Variants in PLOD2 observed in about 807,000 individuals in gnomAD.
PLOD2 encodes procollagen-lysine,2-oxoglutarate 5-dioxygenase 2.
A neutral mutation model predicts 101.0 loss-of-function variants in PLOD2; 65 were observed. That is an observed-to-expected ratio of 0.64 (90% CI 0.53 to 0.79). The LOEUF (loss-of-function observed/expected upper bound fraction) is 0.79, where lower values mean the gene tolerates loss of function less well. Among genes scored for constraint, PLOD2 ranks in the 30% least tolerant of loss-of-function variants. The probability of loss-of-function intolerance (pLI) is 0.00; values close to 1 mark genes in which losing one functional copy is unlikely to be tolerated. For synonymous variants in PLOD2, 314 were observed against 302.9 expected (o/e 1.04, Z -0.38); for missense variants, 909 against 914.6 (o/e 0.99, Z 0.08).
chr3:146,072,760 G>A, intron 16 of PLOD2, 95 bp from the exon 17 acceptor site: 1 of 774,408 alleles, frequency 1.3e-6, no homozygotes, highest in East Asian at 2.7e-5. Context: ...AAAAAATCCT[G>A]TATGACTAGG....
intron 2 of PLOD2, 71 bp from the exon 3 acceptor site, chr3:146,121,319 A>T: frequency 7.8e-7 from 1 of 1,277,916 alleles, no homozygotes; most frequent in Non-Finnish European, 1.1e-6. Flanking sequence ...AAACTTAAAG[A>T]CATCATCAAC....
At chr3:146,087,803 AT>A (rs1936834754) in intron 9 of PLOD2, among the ~76,000 whole-genome samples, 1 of 151,858 alleles carries the variant, frequency 6.6e-6, no homozygotes, top group Non-Finnish European at 1.5e-5. Flanking sequence ...ATTACAACAT[AT>A]TTTACAAAGC....
chr3:146,076,527 G>C (rs1377276649), intron 15 of PLOD2: 1 of 47,928 alleles, frequency 2.1e-5, no homozygotes, highest in Admixed American at 5.0e-4. Flanking sequence ...TCTTCAAACT[G>C]CTTTCCAAAT....
In PLOD2 at chr3:146,072,575, C is replaced by G. The variant is rs767824565; in HGVS notation, c.1834G>C (p.Gly612Arg). The change falls in exon 17 of 20, where the codon GGG (glycine) becomes CGG (arginine). Residue 612 changes from glycine (G) to arginine (R), a missense_variant. By Grantham distance (125) the Gly-to-Arg change is moderately radical. Coordinates refer to ENST00000282903, the MANE Select transcript of PLOD2 (RefSeq NM_182943.3). Reference sequence around the variant, plus strand: ...TTACAACTTACATGATGTTTTCCCCCAGACCATTTGCCGTAATGTTCCATT... The same window carrying G: ...TTACAACTTACATGATGTTTTCCCCGAGACCATTTGCCGTAATGTTCCATT... ...EEMEHYGKWS[G>R]GKHHDSRISG... 5.6e-6 allele frequency: 9 copies of G among 1,604,094 alleles called. No individual in the cohort carries two copies. The Admixed American group carries it at 1.3e-4, about 24-fold the overall frequency.
intron 7 of PLOD2, among the ~76,000 whole-genome samples, chr3:146,097,807 AATAAT>A (rs1937257007): frequency 2.0e-5 from 2 of 101,036 alleles, no homozygotes; most frequent in African/African-American, 7.7e-5. Context: ...AAAAAAAAAT[AATAAT>A]AATAATAATA....
intron 6 of PLOD2, among the ~76,000 whole-genome samples, chr3:146,103,677 T>C (rs1937469169): frequency 6.6e-6 from 1 of 152,156 alleles, no homozygotes; most frequent in African/African-American, 2.4e-5. Flanking sequence ...AATTGCAATA[T>C]ATTCTCAATT....
chr3:146,121,428 A>G (rs1258305360), intron 2 of PLOD2, among the ~76,000 whole-genome samples, 180 bp from the exon 3 acceptor site: 1 of 152,174 alleles, frequency 6.6e-6, no homozygotes. Context: ...TAATTCTTCA[A>G]TGTTATCCAT....
intron 7 of PLOD2, among the ~76,000 whole-genome samples, chr3:146,096,080 G>A (rs1320552223): frequency 6.7e-6 from 1 of 150,148 alleles, no homozygotes; most frequent in Admixed American, 6.6e-5. Context: ...GTGGAGACGG[G>A]GTTTCGCTGT....
At chr3:146,114,724 C>T (rs530808101) in intron 3 of PLOD2, among the ~76,000 whole-genome samples, 9 of 152,194 alleles carry the variant, frequency 5.9e-5, no homozygotes, top group Non-Finnish European at 8.8e-5. Context: ...TACTGGAGAA[C>T]GTGCTCCACC....
intron 3 of PLOD2, among the ~76,000 whole-genome samples, chr3:146,117,694 G>A (rs1196516408): frequency 1.3e-5 from 2 of 152,088 alleles, no homozygotes; most frequent in African/African-American, 2.4e-5. Flanking sequence ...CACAGGAGAT[G>A]TCAGAAATTT....
chr3:146,106,432 A>T, intron 5 of PLOD2, 100 bp downstream of exon 5: 1 of 748,742 alleles, frequency 1.3e-6, no homozygotes, highest in Non-Finnish European at 2.5e-6. Context: ...CATTTGCCAT[A>T]CTATCATAAA....
At chr3:146,081,612 G>T in intron 12 of PLOD2, 126 bp downstream of exon 12, 1 of 701,186 alleles carries the variant, frequency 1.4e-6, no homozygotes. Context: ...AGTGGTCTTG[G>T]GTTCTCAAAT....
Position 146,088,583 on chromosome 3 carries a change from T to C in PLOD2, c.1005+3A>G. 1.3e-6 allele frequency: 2 copies of C among 1,548,986 alleles called. No individual in the cohort carries two copies. The highest frequency in any genetic ancestry group is 2.2e-5 in the South Asian group (2 of 89,252). On this transcript the variant is annotated splice_donor_region_variant and intron_variant, in intron 9 of 19. Transcript: ENST00000282903. Reference sequence around the variant, plus strand: ...ATAAAATATTCATTTCTCAAATACTTACTTTGTTATGAATAAAAAGTTTAA... The same window carrying C: ...ATAAAATATTCATTTCTCAAATACTCACTTTGTTATGAATAAAAAGTTTAA...
intron 1 of PLOD2, among the ~76,000 whole-genome samples, chr3:146,154,012 CAG>C (rs2032189594): frequency 6.6e-6 from 1 of 151,866 alleles, no homozygotes; most frequent in Non-Finnish European, 1.5e-5. Context: ...GTTAATGCAC[CAG>C]GATGTCTTAT....
chr3:146,116,099 G>C lies in PLOD2; in HGVS notation c.338+5013C>G, dbSNP rs564814654. Among the ~76,000 whole-genome samples the C allele has an allele frequency of 2.0e-5, 3 of 152,220 alleles. No homozygotes were observed. In the South Asian group the frequency reaches 6.2e-4, roughly 32 times the overall value. ...ATTATAATCATCCAAACTATTAGCA[G>C]CACAGAAGTAGCTTCACACCTGATA... On this transcript the variant is annotated intron_variant, in intron 3 of 19. Transcript: ENST00000282903.
rs1234289125 is a variant in PLOD2, at chr3:146,086,775, A to G, written c.1127+12T>C. 2 of 1,407,512 alleles carry G rather than the reference A, an allele frequency of 1.4e-6. No homozygotes were observed. Among genetic ancestry groups the G allele is most frequent in the Non-Finnish European group, 1.9e-6 (2 of 1,043,186 alleles). 87.2% of individuals were successfully genotyped at this position (1,407,512 alleles called of 1,614,324 possible). On this transcript the variant is annotated intron_variant, in intron 10 of 19. Coordinates refer to ENST00000282903, the MANE Select transcript of PLOD2 (RefSeq NM_182943.3). The stretch of plus-strand genomic sequence containing the variant: ...AAATAATTTAATTTAATTTTAATTT[A>G]TTAAAACATACATTCCCATGTTTCT...
chr3:146,133,118 G>A (rs1006797046), intron 1 of PLOD2, among the ~76,000 whole-genome samples: 11 of 152,166 alleles, frequency 7.2e-5, no homozygotes, highest in Admixed American at 5.2e-4. Flanking sequence ...GGAGCTTGCA[G>A]TGAGCGGAGA....
chr3:146,160,721 C>T, intron 1 of PLOD2, 160 bp downstream of exon 1: 2 of 607,144 alleles, frequency 3.3e-6, no homozygotes, highest in Non-Finnish European at 5.9e-6. Context: ...GGACCAGCGC[C>T]GCCCGACCGC....
chr3:146,148,146 A>C (rs2108135886), intron 1 of PLOD2, among the ~76,000 whole-genome samples: 1 of 152,292 alleles, frequency 6.6e-6, no homozygotes, highest in South Asian at 2.1e-4. Flanking sequence ...ATCCGGATCA[A>C]ACAAACCAAC....
Sources: allele counts gnomAD v4.1 joint callset (sites outside exome capture counted in the v4.1 genomes callset), GRCh38; gene constraint gnomAD v4.1.1; transcripts MANE v1.5; gene names NCBI Gene and HGNC (gene_info 2026-07-23, HGNC 2026-07-21).